Variants in DSCAM observed in about 807,000 individuals in gnomAD.
DSCAM encodes DS cell adhesion molecule.
Under a neutral mutation model 217.7 loss-of-function variants are expected in DSCAM, and 47 were observed. The ratio of observed to expected loss-of-function variants is 0.22; its 90% CI spans 0.17 to 0.28. The LOEUF is 0.28. Among genes scored for constraint, DSCAM ranks in the 10% least tolerant of loss-of-function variants. The pLI is 1.00. For missense variants in DSCAM, 2,080 were observed against 2,618.3 expected, an observed-to-expected ratio of 0.79 and a Z score of 4.49; for synonymous variants, 1,056 against 1,015.3, an observed-to-expected ratio of 1.04 and a Z score of -0.76.
In DSCAM at chr21:40,806,274, G is replaced by A. The variant is rs537996626; in HGVS notation, c.43+40345C>T. On this transcript the variant is annotated intron_variant, in intron 1 of 32. Transcript: ENST00000400454. ...GCTGCAGAATGCTGCCATTATTGAC[G>A]TGATTGCTTTACTGTCAGCTCCACC... Among the ~76,000 whole-genome samples, 7 of 152,244 alleles carry A rather than the reference G, an allele frequency of 4.6e-5. No individual in the cohort carries two copies. In the South Asian group the frequency reaches 6.2e-4, roughly 14 times the overall value.
rs534538916 is a variant in DSCAM at position 40,052,266 on chromosome 21, A to G, written c.5036-159T>C. 2.6e-5 allele frequency among the ~76,000 whole-genome samples: 4 copies of G among 152,310 alleles called. No homozygotes were observed. In the South Asian group the frequency reaches 8.3e-4, roughly 32 times the overall value. ...AAATGATTGAAAATTCAAGCACTGA[A>G]TTAGCATTACTCTAGAGTGCTAGGA... On this transcript the variant is annotated intron_variant, in intron 29 of 32. Coordinates refer to ENST00000400454, the MANE Select transcript of DSCAM (RefSeq NM_001389.5).
At chr21:40,705,885 T>C (rs1250600209) in intron 2 of DSCAM, among the ~76,000 whole-genome samples, 1 of 152,094 alleles carries the variant, frequency 6.6e-6, no homozygotes, top group Non-Finnish European at 1.5e-5. Context: ...CCTAGTCAAA[T>C]GTTAGAAAGC....
chr21:40,175,774 C>G (rs935206576), intron 15 of DSCAM, among the ~76,000 whole-genome samples: 1 of 40,864 alleles, frequency 2.4e-5, no homozygotes, highest in African/African-American at 1.0e-4. Flanking sequence ...TTTCTCAACA[C>G]ACACATACAC....
intron 3 of DSCAM, among the ~76,000 whole-genome samples, chr21:40,641,030 G>A (rs1330513016): frequency 1.3e-5 from 2 of 152,174 alleles, no homozygotes; most frequent in Non-Finnish European, 2.9e-5. Context: ...CTGCATAAGA[G>A]CCCTACTGTT....
intron 3 of DSCAM, among the ~76,000 whole-genome samples, chr21:40,643,422 G>A (rs1380037292): frequency 3.3e-5 from 5 of 152,172 alleles, no homozygotes; most frequent in African/African-American, 7.2e-5. Flanking sequence ...TCAGTTTCGC[G>A]AGCTGCTCAG....
At chr21:40,467,515 C>T (rs1335750860) in intron 3 of DSCAM, among the ~76,000 whole-genome samples, 1 of 152,072 alleles carries the variant, frequency 6.6e-6, no homozygotes, top group Non-Finnish European at 1.5e-5. Flanking sequence ...TGAATGATGG[C>T]ATAAAATTGA....
rs1007801563 is a variant in DSCAM, at chr21:40,540,925, G to A, written c.508+151885C>T. ...ATTTTTTTTTTAAAGATGGGGTTTC[G>A]CTGTGTGGCCCAGGCATGTCTCAAA... is the stretch of plus-strand genomic sequence containing the variant. On this transcript the variant is annotated intron_variant, in intron 3 of 32. Coordinates refer to ENST00000400454, the MANE Select transcript of DSCAM (RefSeq NM_001389.5). Among the ~76,000 whole-genome samples the A allele has an allele frequency of 2.0e-5, 3 of 151,844 alleles. 1 individual carries two copies. In the South Asian group the frequency reaches 6.2e-4, roughly 32 times the overall value.
intron 18 of DSCAM, among the ~76,000 whole-genome samples, chr21:40,141,704 G>T (rs1365149055): frequency 6.6e-6 from 1 of 152,130 alleles, no homozygotes; most frequent in Non-Finnish European, 1.5e-5. Context: ...GAGGGCAGGG[G>T]AGGAGGCAGG....
At chr21:40,133,697 G>A (rs1270716855) in intron 19 of DSCAM, among the ~76,000 whole-genome samples, 157 bp downstream of exon 19, 1 of 152,190 alleles carries the variant, frequency 6.6e-6, no homozygotes, top group East Asian at 1.9e-4. Context: ...AGGCAAGAGA[G>A]GAAGTTAATG....
chr21:40,694,389 C>T (rs139184090), intron 2 of DSCAM, among the ~76,000 whole-genome samples: 1 of 152,214 alleles, frequency 6.6e-6, no homozygotes, highest in East Asian at 1.9e-4. Flanking sequence ...TACTAACACA[C>T]CAACAAAGCT....
intron 3 of DSCAM, among the ~76,000 whole-genome samples, chr21:40,593,531 C>T (rs540704994): frequency 3.3e-5 from 5 of 152,088 alleles, no homozygotes; most frequent in East Asian, 3.9e-4. Context: ...GTTTCACCAT[C>T]TTTACTGGTG....
At chr21:40,037,589 G>A (rs1359362899) in intron 32 of DSCAM, among the ~76,000 whole-genome samples, 5 of 149,112 alleles carry the variant, frequency 3.4e-5, no homozygotes, top group Admixed American at 1.3e-4. Context: ...TGGCCATACT[G>A]CCCAAGGTAA....
Position 40,114,431 on chromosome 21 carries a change from T to A in DSCAM, c.3696+9764A>T, listed in dbSNP as rs1299840817. Reference sequence around the variant, plus strand: ...ATTAATTCAAGATGGATTAAAGACTTAAATGTTAGATCTAAAACCATAAAA... The same window carrying A: ...ATTAATTCAAGATGGATTAAAGACTAAAATGTTAGATCTAAAACCATAAAA... On this transcript the variant is annotated intron_variant, in intron 20 of 32. Transcript: ENST00000400454. Among the ~76,000 whole-genome samples, 9 of 151,442 alleles carry A rather than the reference T, an allele frequency of 5.9e-5. 1 individual carries two copies. The South Asian group carries it at 1.3e-3, about 21-fold the overall frequency.
intron 1 of DSCAM, among the ~76,000 whole-genome samples, chr21:40,792,561 C>T (rs1361500291): frequency 6.6e-6 from 1 of 152,118 alleles, no homozygotes; most frequent in Admixed American, 6.5e-5. Flanking sequence ...CATATGAATT[C>T]TGGAGGAACA....
chr21:40,051,556 G>A (rs1164774243), intron 30 of DSCAM, among the ~76,000 whole-genome samples: 3 of 152,132 alleles, frequency 2.0e-5, no homozygotes, highest in Admixed American at 6.5e-5. Flanking sequence ...GCAGAATAGA[G>A]GCTATGATAC....
intron 3 of DSCAM, among the ~76,000 whole-genome samples, chr21:40,642,339 C>T (rs13050708): frequency 0.29 from 43,466 of 151,912 alleles, 6,312 homozygotes; most frequent in Middle Eastern, 0.38. Flanking sequence ...AACAGAGGCA[C>T]GATAAGTATG....
intron 3 of DSCAM, among the ~76,000 whole-genome samples, chr21:40,461,060 A>T (rs549963297): frequency 6.6e-6 from 1 of 152,252 alleles, no homozygotes; most frequent in African/African-American, 2.4e-5. Context: ...ATATTCATCA[A>T]TAAAGGCTAG....
chr21:40,151,503 C>T (rs183627085), intron 16 of DSCAM, among the ~76,000 whole-genome samples: 216 of 152,280 alleles, frequency 1.4e-3, no homozygotes, highest in African/African-American at 4.6e-3. Context: ...CTGTCTAAAT[C>T]GGGGCTTCAA....
chr21:40,060,116 C>G (rs1201983770), intron 28 of DSCAM, among the ~76,000 whole-genome samples: 3 of 152,208 alleles, frequency 2.0e-5, no homozygotes, highest in Non-Finnish European at 4.4e-5. Context: ...TTTTCAATCA[C>G]TTTGACCATT....
Sources: allele counts gnomAD v4.1 joint callset (sites outside exome capture counted in the v4.1 genomes callset), GRCh38; gene constraint gnomAD v4.1.1; transcripts MANE v1.5; gene names NCBI Gene and HGNC (gene_info 2026-07-23, HGNC 2026-07-21).